The following SSBP2 variants were observed in gnomAD, a reference collection of about 807,000 sequenced individuals.
The protein encoded by SSBP2 is single-stranded DNA-binding protein 2.
In SSBP2, 17 loss-of-function variants were observed where a neutral mutation model predicts 61.8. That is an observed-to-expected ratio of 0.28 (90% CI 0.19 to 0.41). The LOEUF (loss-of-function observed/expected upper bound fraction) is 0.41, where lower values mean the gene tolerates loss of function less well. Ranked by LOEUF, SSBP2 falls within the 10% of genes least tolerant of loss-of-function variation. The pLI is 1.00. For synonymous variants in SSBP2, 139 were observed against 141.3 expected, an observed-to-expected ratio of 0.98 and a Z score of 0.12; for missense variants, 310 against 458.7, an observed-to-expected ratio of 0.68 and a Z score of 2.96.
chr5:81,594,289 T>C (rs942687145), intron 4 of SSBP2, among the ~76,000 whole-genome samples: 366 of 152,204 alleles, frequency 2.4e-3, no homozygotes, highest in Non-Finnish European at 4.2e-3. Flanking sequence ...CAAGAAGAGC[T>C]AACTATCCTA....
At chr5:81,495,771 A>ATATCTCATTATATCTCAACTTG (rs1324639856) in intron 5 of SSBP2, among the ~76,000 whole-genome samples, 1 of 152,156 alleles carries the variant, frequency 6.6e-6, no homozygotes, top group Non-Finnish European at 1.5e-5. Flanking sequence ...ATCTTACCTT[A>ATATCTCATTATATCTCAACTTG]TATCTCATTA....
intron 4 of SSBP2, among the ~76,000 whole-genome samples, chr5:81,575,354 A>G (rs547496663): frequency 6.6e-6 from 1 of 152,366 alleles, no homozygotes; most frequent in African/African-American, 2.4e-5. Flanking sequence ...TTTAAAATGC[A>G]TATAAAATTA....
chr5:81,543,841 TA>T (rs1354649714), intron 4 of SSBP2, among the ~76,000 whole-genome samples: 2 of 152,176 alleles, frequency 1.3e-5, no homozygotes, highest in African/African-American at 4.8e-5. Flanking sequence ...TTCTACCCTT[TA>T]AATCAAATAT....
rs201586354 is a variant in SSBP2 at position 81,437,478 on chromosome 5, G to T, written c.929-20C>A. On this transcript the variant is annotated intron_variant, in intron 14 of 16. Coordinates refer to ENST00000320672, the MANE Select transcript of SSBP2 (RefSeq NM_012446.5). ...CTGAGCCTGAAACAAAATATAAAAA[G>T]AAAGCCTTTATTAGGTAAGATTTCA... 6.8e-5 allele frequency: 109 copies of T among 1,600,332 alleles called. No individual in the cohort carries two copies. In the East Asian group the frequency reaches 1.2e-3, roughly 18 times the overall value.
At chr5:81,539,750 A>C (rs1300693312) in intron 4 of SSBP2, among the ~76,000 whole-genome samples, 4 of 152,052 alleles carry the variant, frequency 2.6e-5, no homozygotes, top group African/African-American at 9.7e-5. Flanking sequence ...CTTAGCAATA[A>C]TTTTTTTATT....
chr5:81,664,764 A>AT (rs1750972331), intron 1 of SSBP2, among the ~76,000 whole-genome samples: 1 of 152,142 alleles, frequency 6.6e-6, no homozygotes, highest in Non-Finnish European at 1.5e-5. Flanking sequence ...GGGGTGACAG[A>AT]TTTTTGGTGT....
chr5:81,710,391 T>C (rs1297292774), intron 1 of SSBP2, among the ~76,000 whole-genome samples: 1 of 152,084 alleles, frequency 6.6e-6, no homozygotes, highest in Admixed American at 6.6e-5. Context: ...AATCTTGTGA[T>C]AAAGAGTAGC....
At chr5:81,589,012 C>T (rs1775288582) in intron 4 of SSBP2, among the ~76,000 whole-genome samples, 1 of 152,214 alleles carries the variant, frequency 6.6e-6, no homozygotes, top group Non-Finnish European at 1.5e-5. Context: ...CTGCAGTGAG[C>T]TGTGACTGTG....
chr5:81,478,532 T>A (rs1337880334), intron 6 of SSBP2, among the ~76,000 whole-genome samples: 3 of 152,014 alleles, frequency 2.0e-5, no homozygotes, highest in African/African-American at 7.2e-5. Flanking sequence ...GTAGTCGGGG[T>A]TTCACCATGT....
chr5:81,468,931 T>C (rs763428138), intron 8 of SSBP2, among the ~76,000 whole-genome samples: 1 of 152,008 alleles, frequency 6.6e-6, no homozygotes, highest in Non-Finnish European at 1.5e-5. Context: ...GCAGCAGTAC[T>C]AGCAAGGGGG....
At chr5:81,501,563 C>CTTTTTTTTTTTT (rs71603598) in intron 5 of SSBP2, among the ~76,000 whole-genome samples, 1 of 117,376 alleles carries the variant, frequency 8.5e-6, no homozygotes, top group African/African-American at 3.0e-5. Context: ...TCTTTCTTTT[C>CTTTTTTTTTTTT]TTTTTTTTTT....
chr5:81,626,688 C>T (rs1452301722), intron 3 of SSBP2, among the ~76,000 whole-genome samples: 1 of 151,232 alleles, frequency 6.6e-6, no homozygotes, highest in Non-Finnish European at 1.5e-5. Flanking sequence ...GGCAACCACC[C>T]CCTCACCCTA....
intron 12 of SSBP2, 60 bp from the exon 13 acceptor site, chr5:81,442,783 A>C: frequency 2.3e-6 from 2 of 871,392 alleles, no homozygotes; most frequent in South Asian, 3.4e-5. Context: ...AATTCATCAC[A>C]AAGTAATGAT....
At chr5:81,740,975 C>G (rs1756980055) in intron 1 of SSBP2, among the ~76,000 whole-genome samples, 1 of 152,190 alleles carries the variant, frequency 6.6e-6, no homozygotes, top group Non-Finnish European at 1.5e-5. Flanking sequence ...ATTCCCCTCC[C>G]ATCCTCATGC....
chr5:81,552,639 TAAAAAAA>T (rs33979294), intron 4 of SSBP2, among the ~76,000 whole-genome samples: 3 of 115,918 alleles, frequency 2.6e-5, no homozygotes, highest in African/African-American at 9.7e-5. Context: ...CTATGTCTCT[TAAAAAAA>T]AAAAAGAAAA....
At chr5:81,453,350 T>G (rs1227952069) in intron 10 of SSBP2, among the ~76,000 whole-genome samples, 1 of 151,740 alleles carries the variant, frequency 6.6e-6, no homozygotes, top group Non-Finnish European at 1.5e-5. Context: ...ATGGTGGATA[T>G]GTGACTGGAT....
At chr5:81,564,677 G>A in intron 4 of SSBP2, among the ~76,000 whole-genome samples, 1 of 152,110 alleles carries the variant, frequency 6.6e-6, no homozygotes, top group East Asian at 1.9e-4. Flanking sequence ...ATTCATGCAG[G>A]GTTAGTCTTG....
intron 1 of SSBP2, among the ~76,000 whole-genome samples, chr5:81,661,609 G>C (rs886871640): frequency 5.3e-5 from 8 of 151,798 alleles, no homozygotes; most frequent in African/African-American, 1.9e-4. Flanking sequence ...GTGACACTGA[G>C]CATTTTTTCA....
At chr5:81,700,350 G>C (rs1384690710) in intron 1 of SSBP2, among the ~76,000 whole-genome samples, 6 of 152,272 alleles carry the variant, frequency 3.9e-5, no homozygotes, top group African/African-American at 1.4e-4. Context: ...TCAACAGTGG[G>C]CTTAAAATAT....
Sources: allele counts gnomAD v4.1 joint callset (sites outside exome capture counted in the v4.1 genomes callset), GRCh38; gene constraint gnomAD v4.1.1; transcripts MANE v1.5; gene names NCBI Gene and HGNC (gene_info 2026-07-23, HGNC 2026-07-21).